Variants in UNC80 observed in about 807,000 individuals in gnomAD.
The protein encoded by UNC80 is unc-80 subunit of NALCN channel complex, also known as protein unc-80 homolog.
In UNC80, 164 loss-of-function variants were observed where a neutral mutation model predicts 384.6. That is an observed-to-expected ratio of 0.43 (90% CI 0.38 to 0.49). The LOEUF is 0.49. UNC80 is among the 20% of genes least tolerant of loss of function. The pLI is 0.00. For synonymous variants in UNC80, 1,486 were observed against 1,527.8 expected (o/e 0.97, Z 0.64); for missense variants, 3,330 against 4,143.0 (o/e 0.80, Z 5.39).
chr2:209,773,653 C>T (rs564636959), intron 2 of UNC80, among the ~76,000 whole-genome samples: 57 of 152,230 alleles, frequency 3.7e-4, no homozygotes, highest in African/African-American at 1.3e-3. Context: ...TAACAGGGAA[C>T]CAGGTGGTGT....
At chr2:209,865,959 C>A (rs2083720523) in intron 22 of UNC80, among the ~76,000 whole-genome samples, 1 of 152,168 alleles carries the variant, frequency 6.6e-6, no homozygotes, top group African/African-American at 2.4e-5. Context: ...TCCTTTCTGG[C>A]TTAATTGACA....
chr2:209,926,546 G>A (rs59286329), intron 35 of UNC80, among the ~76,000 whole-genome samples: 2,090 of 152,302 alleles, frequency 0.014, 40 homozygotes, highest in African/African-American at 0.047. Flanking sequence ...GGAGGTGGAG[G>A]TGGGAGGATT....
intron 49 of UNC80, among the ~76,000 whole-genome samples, chr2:209,958,452 T>C (rs1469829719): frequency 6.6e-6 from 1 of 152,220 alleles, no homozygotes; most frequent in Non-Finnish European, 1.5e-5. Context: ...CTGAAGCCTA[T>C]TTTTAAGTGT....
chr2:209,821,463 C>A (rs1044013055), intron 13 of UNC80, among the ~76,000 whole-genome samples: 1 of 152,094 alleles, frequency 6.6e-6, no homozygotes, highest in African/African-American at 2.4e-5. Flanking sequence ...AAAATTATTT[C>A]TTTTAAGTAA....
At chr2:209,982,633 G>T in intron 60 of UNC80, 1 of 212,728 alleles carries the variant, frequency 4.7e-6, no homozygotes. Context: ...AGCTAATGAT[G>T]GGTACTTGGC....
chr2:209,994,247 A>T lies in UNC80; in HGVS notation c.9691A>T (p.Ser3231Cys). The change falls in exon 64 of 65, where the codon AGC becomes TGC. Residue 3231 changes from serine (S) to cysteine (C), a missense_variant. By Grantham distance (112) the Ser-to-Cys change is moderately radical. This residue lies in a region of UNC80 where 236 missense variants were observed against 254.9 expected (regional missense o/e 0.93). Coordinates refer to ENST00000673920, the MANE Select transcript of UNC80 (RefSeq NM_001371986.1). ...CGCCATAGTTGTTGCGGATCTCCACAGCGTGTCTCCCAAGCAGGTGAGGGC... is the reference window on the plus strand; with the variant it reads ...CGCCATAGTTGTTGCGGATCTCCACTGCGTGTCTCCCAAGCAGGTGAGGGC... ...SPAIVVADLHSVSPKQSENFP... is the reference protein window; with the variant it reads ...SPAIVVADLHCVSPKQSENFP... 1 of 1,550,708 alleles carries T rather than the reference A, an allele frequency of 6.4e-7. No homozygotes were observed. Among genetic ancestry groups the T allele is most frequent in the Non-Finnish European group, 8.7e-7 (1 of 1,146,538 alleles).
intron 22 of UNC80, among the ~76,000 whole-genome samples, chr2:209,851,019 GAACA>G (rs1259843457): frequency 6.6e-5 from 10 of 151,680 alleles, no homozygotes; most frequent in Non-Finnish European, 1.0e-4. Flanking sequence ...CATTAGAAAA[GAACA>G]AACAAACACT....
intron 29 of UNC80, among the ~76,000 whole-genome samples, chr2:209,907,400 C>T (rs186326734): frequency 6.6e-6 from 1 of 151,580 alleles, no homozygotes; most frequent in African/African-American, 2.4e-5. Context: ...AAAATTACAT[C>T]TGCAATAAGT....
chr2:209,959,589 C>T lies in UNC80; in HGVS notation c.7687C>T (p.Leu2563=). ...GTTCAGAAGACCCCGGGAGTCCTTA[C>T]TGAATATTTGCACTGAGTTCTATAA... is the stretch of plus-strand genomic sequence containing the variant. ...EEFRRPRESL[L]NICTEFYKHC... The change falls in exon 51 of 65, where the codon CTG becomes TTG. Residue 2563 remains leucine, a synonymous_variant. Coordinates refer to ENST00000673920, the MANE Select transcript of UNC80 (RefSeq NM_001371986.1). The T allele has an allele frequency of 1.0e-5, 16 of 1,551,708 alleles. No homozygotes were observed. The highest frequency in any genetic ancestry group is 1.3e-5 in the Non-Finnish European group (15 of 1,146,986).
chr2:209,783,832 A>G (rs572606578), intron 4 of UNC80, among the ~76,000 whole-genome samples: 1 of 152,276 alleles, frequency 6.6e-6, no homozygotes. Context: ...ATTTGTAGAG[A>G]CAAATCTGAT....
rs1224121123 is a variant in UNC80, at chr2:209,922,364, T to C, written c.5643T>C (p.Arg1881=). 7 of 1,551,640 alleles carry C rather than the reference T, an allele frequency of 4.5e-6. No individual in the cohort carries two copies. Among genetic ancestry groups the C allele is most frequent in the Non-Finnish European group, 6.1e-6 (7 of 1,146,954 alleles). The change falls in exon 35 of 65, where the codon CGT becomes CGC. Residue 1881 remains arginine (R), a synonymous_variant. Transcript: ENST00000673920. ...SFRRGSVWSV[R]SAVSAEDEEH... is the part of the protein sequence containing the mutation. ...GCCGCGGGTCAGTCTGGTCAGTGCG[T>C]TCAGCCGTCAGTGCTGAAGGTGTGT...
intron 29 of UNC80, among the ~76,000 whole-genome samples, chr2:209,909,096 T>G (rs2088607418): frequency 6.6e-6 from 1 of 152,124 alleles, no homozygotes; most frequent in African/African-American, 2.4e-5. Flanking sequence ...TATCTTGACT[T>G]TTCATTTGTT....
rs1278528014 is a variant in UNC80, at chr2:209,817,816, A to G, written c.1557A>G (p.Lys519=). The change falls in exon 11 of 65, where the codon AAA becomes AAG. Residue 519 remains lysine (K), a synonymous_variant. Coordinates refer to ENST00000673920, the MANE Select transcript of UNC80 (RefSeq NM_001371986.1). ...GGGTGCTCTTATTCATCCCAGGGAA[A>G]TTGACCCGGCGAGGCAGTTCAGATG... The part of the protein sequence containing the change: ...KGGWQTTILG[K]LTRRGSSDAA... 1 of 1,551,528 alleles carries G rather than the reference A, an allele frequency of 6.4e-7. No homozygotes were observed. The highest frequency in any genetic ancestry group is 2.4e-5 in the East Asian group (1 of 40,908).
Position 209,896,365 on chromosome 2 carries a change from T to C in UNC80, c.4533T>C (p.Ser1511=), listed in dbSNP as rs1322849178. The change falls in exon 28 of 65, where the codon AGT becomes AGC. Residue 1511 remains serine, a synonymous_variant. Transcript: ENST00000673920. ...SEPSIEPEGM[S]NAGAEENYHR... ...CCAGCATTGAGCCAGAGGGAATGAG[T>C]AATGCCGGCGCGGAGGAGAATTACC... The C allele has an allele frequency of 1.3e-6, 2 of 1,551,416 alleles. No individual in the cohort carries two copies. Among genetic ancestry groups the C allele is most frequent in the Non-Finnish European group, 1.7e-6 (2 of 1,146,944 alleles).
Position 209,789,540 on chromosome 2 carries a change from A to G in UNC80, c.733A>G (p.Ser245Gly), listed in dbSNP as rs1399239736. ...TTCTTCCGTCTTTTCAGCTAAGAGA[A>G]GTTCTCCTATCAACAGTCAAAGCCG... ...PIRNIITAKR[S>G]SPINSQSRTC... is the part of the protein sequence containing the mutation. Residue 245 changes from serine (S) to glycine (G), a missense_variant, in exon 6 of 65, where the codon AGT becomes GGT. Physicochemically the swap from Ser to Gly is moderately conservative, Grantham distance 56. This residue lies in a region of UNC80 where 937 missense variants were observed against 1,026.8 expected (regional missense o/e 0.91). Coordinates refer to ENST00000673920, the MANE Select transcript of UNC80 (RefSeq NM_001371986.1). 1 of 1,612,502 alleles carries G rather than the reference A, an allele frequency of 6.2e-7. No individual in the cohort carries two copies. The highest frequency in any genetic ancestry group is 1.3e-5 in the African/African-American group (1 of 74,896).
In UNC80 at chr2:209,815,058, T is replaced by G. The variant is rs145417890; in HGVS notation, c.1201-199T>G. Among the ~76,000 whole-genome samples, 560 of 152,248 alleles carry G rather than the reference T, an allele frequency of 3.7e-3. 2 individuals are homozygous for G. The highest frequency in any genetic ancestry group is 0.013 in the African/African-American group (543 of 41,548). ...GCTACATGACCTCACTACTGAAAAC[T>G]TCAAACAGAAATTACAATTAATATG... On this transcript the variant is annotated intron_variant, in intron 8 of 64. Transcript: ENST00000673920.
chr2:209,856,764 A>G (rs1199010010), intron 22 of UNC80, among the ~76,000 whole-genome samples: 1 of 105,018 alleles, frequency 9.5e-6, no homozygotes, highest in Non-Finnish European at 1.9e-5. Flanking sequence ...TTGTTTACTT[A>G]TTTATTTATT....
Position 209,976,902 on chromosome 2 carries a change from C to T in UNC80, c.8773-11C>T. 2 of 1,505,176 alleles carry T rather than the reference C, an allele frequency of 1.3e-6. No homozygotes were observed. Among genetic ancestry groups the T allele is most frequent in the South Asian group, 2.5e-5 (2 of 81,384 alleles). 93.2% of individuals were successfully genotyped at this position (1,505,176 alleles called of 1,614,324 possible). ...AATTGAGGCCCTGAGAATGTTATGC[C>T]TTCCTTTCAGCTGCTGGCCCAACCA... On this transcript the variant is annotated splice_polypyrimidine_tract_variant and intron_variant, in intron 57 of 64. Transcript: ENST00000673920. This position sits in a 1 kb window ranked among gnomAD's most constrained non-coding sequence, Gnocchi z 4.3.
rs16843977 is a variant in UNC80 at position 209,954,247 on chromosome 2, G to A, written c.7434G>A (p.Leu2478=). 0.034 allele frequency: 52,787 copies of A among 1,550,190 alleles called. 2,486 individuals carry two copies. The highest frequency in any genetic ancestry group is 0.18 in the African/African-American group (13,064 of 72,824). ...AALATSLQAL[L]YSVEVLTRPM... is the part of the protein sequence containing the mutation. ...TTGCGACGTCCCTACAGGCCCTTTT[G>A]TACAGTGTAGAGGTCCTCACCAGGT... Residue 2478 remains leucine (L), a synonymous_variant, in exon 48 of 65, where the codon TTG becomes TTA. Coordinates refer to ENST00000673920, the MANE Select transcript of UNC80 (RefSeq NM_001371986.1).
Sources: gnomAD v4.1 joint callset for allele counts (sites outside exome capture counted in the v4.1 genomes callset) on GRCh38, gnomAD v4.1.1 for gene constraint, gnomAD v4.1.1 regional missense constraint, Gnocchi (gnomAD v3.1) non-coding constraint, MANE v1.5 for transcripts, NCBI Gene and HGNC (gene_info 2026-07-23, HGNC 2026-07-21) for gene names.